MAP4: variants seen among roughly 807,000 people sequenced by gnomAD.
MAP4 encodes microtubule-associated protein 4.
Under a neutral mutation model 170.2 loss-of-function variants are expected in MAP4, and 76 were observed. The ratio of observed to expected loss-of-function variants is 0.45; its 90% CI spans 0.37 to 0.54. MAP4 has a LOEUF of 0.54. MAP4 is among the 20% of genes least tolerant of loss of function. The pLI is 0.00. For missense variants in MAP4, 2,506 were observed against 2,748.0 expected (o/e 0.91, Z 1.97); for synonymous variants, 909 against 994.5 (o/e 0.91, Z 1.62).
chr3:48,075,734 G>T (rs1579840344), intron 1 of MAP4, among the ~76,000 whole-genome samples: 1 of 152,122 alleles, frequency 6.6e-6, no homozygotes, highest in African/African-American at 2.4e-5. Context: ...AGCACTTTGG[G>T]AGGCTAAAGC....
chr3:47,957,302 G>A (rs539813829), intron 3 of MAP4, among the ~76,000 whole-genome samples: 1 of 152,224 alleles, frequency 6.6e-6, no homozygotes, highest in African/African-American at 2.4e-5. Context: ...CAAGTAGCTG[G>A]GACTACAGGC....
At chr3:47,979,375 G>T (rs2100084122) in intron 2 of MAP4, among the ~76,000 whole-genome samples, 1 of 152,048 alleles carries the variant, frequency 6.6e-6, no homozygotes, top group Admixed American at 6.6e-5. Flanking sequence ...ATTACATTGG[G>T]TTTATTTCTG....
chr3:48,021,936 A>G (rs1186756247), intron 1 of MAP4, among the ~76,000 whole-genome samples: 1 of 152,242 alleles, frequency 6.6e-6, no homozygotes, highest in Non-Finnish European at 1.5e-5. Flanking sequence ...TGGTACCTGC[A>G]CAATCACCAA....
intron 1 of MAP4, among the ~76,000 whole-genome samples, chr3:48,073,887 A>T (rs966578056): frequency 9.2e-5 from 14 of 152,198 alleles, no homozygotes; most frequent in Non-Finnish European, 1.5e-4. Context: ...ACCATTGTGG[A>T]CTACAGTGTG....
intron 3 of MAP4, chr3:47,931,758 G>A (rs1401277902): frequency 6.8e-6 from 1 of 147,600 alleles, no homozygotes; most frequent in African/African-American, 2.5e-5. Context: ...ACCTCCTCAA[G>A]TCCTAGGATT....
At chr3:48,062,494 T>TAAAAAAAA (rs1156947592) in intron 1 of MAP4, among the ~76,000 whole-genome samples, 307 of 81,172 alleles carry the variant, frequency 3.8e-3, no homozygotes, top group Non-Finnish European at 4.7e-3. Flanking sequence ...GAATGATCAA[T>TAAAAAAAA]AAAAAAAAAA....
chr3:47,963,082 C>G (rs2100072646), intron 3 of MAP4, among the ~76,000 whole-genome samples: 1 of 152,212 alleles, frequency 6.6e-6, no homozygotes, highest in African/African-American at 2.4e-5. Context: ...TTCTTTCAGT[C>G]TGCCTGGAGC....
chr3:48,031,055 A>AG lies in MAP4; in HGVS notation c.-19-32177dup, dbSNP rs202030107. On this transcript the variant is annotated intron_variant, in intron 1 of 18. Transcript: ENST00000360240. The stretch of plus-strand genomic sequence containing the variant: ...CTAAAGAGTACAATATGAAAATGGG[A>AG]GGGGGGGGTAAGAGAAATATGACAA... Among the ~76,000 whole-genome samples the AG allele has an allele frequency of 1.3e-3, 201 of 151,416 alleles. 4 individuals carry two copies. In the East Asian group the frequency reaches 0.028, roughly 21 times the overall value.
chr3:47,970,936 G>A (rs1390443018), intron 3 of MAP4, among the ~76,000 whole-genome samples: 4 of 152,208 alleles, frequency 2.6e-5, no homozygotes, highest in African/African-American at 7.2e-5. Flanking sequence ...GTGGCTTAGA[G>A]TATTAATTAA....
rs1050471665 is a variant in MAP4 at position 48,086,468 on chromosome 3, G to A, written c.-20+2305C>T. Among the ~76,000 whole-genome samples the A allele has an allele frequency of 3.9e-5, 6 of 152,110 alleles. No individual in the cohort carries two copies. The East Asian group carries it at 5.8e-4, about 15-fold the overall frequency. On this transcript the variant is annotated intron_variant, in intron 1 of 18. Coordinates refer to the MAP4 transcript ENST00000360240. ...AGTCTGTCCAACGTGGCGAAACCCCGTCTCTACTAAAAATACAAAAATCAG... is the reference window on the plus strand; with the variant it reads ...AGTCTGTCCAACGTGGCGAAACCCCATCTCTACTAAAAATACAAAAATCAG...
chr3:47,866,867 G>A (rs185003397), intron 17 of MAP4, among the ~76,000 whole-genome samples: 34 of 152,276 alleles, frequency 2.2e-4, no homozygotes, highest in Admixed American at 7.2e-4. Flanking sequence ...TCTCAGAGAA[G>A]TTACTTCCAC....
chr3:48,008,611 CCTCT>C (rs1433860343), intron 1 of MAP4, among the ~76,000 whole-genome samples: 1 of 152,176 alleles, frequency 6.6e-6, no homozygotes, highest in Non-Finnish European at 1.5e-5. Context: ...TGTGGATGGA[CCTCT>C]CTGAGTGGTC....
At position 47,910,061 on chromosome 3, in the gene MAP4, C is replaced by G; in HGVS notation, c.4360G>C (p.Gly1454Arg). 6.2e-7 allele frequency: 1 copy of G among 1,613,972 alleles called. No individual in the cohort carries two copies. The highest frequency in any genetic ancestry group is 1.1e-5 in the South Asian group (1 of 91,082). ...PTPTPQVVKEGDSFPDTLAKN... is the reference protein window; with the variant it reads ...PTPTPQVVKERDSFPDTLAKN... ...GCCAAGGTATCTGGAAAGGAATCAC[C>G]TTCCTTTACTACTTGAGGAGTAGGA... Residue 1454 changes from glycine to arginine, a missense_variant, in exon 9 of 21, where the codon GGT (glycine) becomes CGT (arginine). By Grantham distance (125) the Gly-to-Arg change is moderately radical (BLOSUM62 -2). Coordinates refer to ENST00000683076, the MANE Select transcript of MAP4 (RefSeq NM_001385682.1).
chr3:48,060,595 C>G (rs1462982602), intron 1 of MAP4, among the ~76,000 whole-genome samples: 1 of 151,974 alleles, frequency 6.6e-6, no homozygotes, highest in Non-Finnish European at 1.5e-5. Flanking sequence ...TTGCAAAACA[C>G]ATCTCTGACA....
chr3:48,082,116 A>G (rs1398310716), intron 1 of MAP4, among the ~76,000 whole-genome samples: 1 of 152,234 alleles, frequency 6.6e-6, no homozygotes, highest in Admixed American at 6.5e-5. Flanking sequence ...GATTTAATAA[A>G]TAAATGGGGG....
intron 8 of MAP4, among the ~76,000 whole-genome samples, chr3:47,914,184 A>C (rs959023947): frequency 6.6e-6 from 1 of 152,180 alleles, no homozygotes; most frequent in Non-Finnish European, 1.5e-5. Context: ...CAAGTTATGT[A>C]ACTTGCTTAA....
chr3:47,952,043 C>A (rs987100541), intron 3 of MAP4, among the ~76,000 whole-genome samples: 2 of 151,248 alleles, frequency 1.3e-5, no homozygotes, highest in African/African-American at 4.9e-5. Context: ...CCGGCCGCGA[C>A]CCCGTCTGGG....
intron 8 of MAP4, among the ~76,000 whole-genome samples, chr3:47,914,219 T>C (rs946459711): frequency 2.0e-5 from 3 of 152,266 alleles, no homozygotes; most frequent in East Asian, 1.9e-4. Flanking sequence ...GAATAGTGAA[T>C]AGCTGAACCA....
chr3:47,921,176 G>A (rs1056428902), intron 5 of MAP4, among the ~76,000 whole-genome samples: 2 of 152,134 alleles, frequency 1.3e-5, no homozygotes, highest in Non-Finnish European at 1.5e-5. Flanking sequence ...CAGCCCAACT[G>A]TGAATCTGTG....
Sources: gnomAD v4.1 joint callset for allele counts (sites outside exome capture counted in the v4.1 genomes callset) on GRCh38, gnomAD v4.1.1 for gene constraint, MANE v1.5 for transcripts, NCBI Gene and HGNC (gene_info 2026-07-23, HGNC 2026-07-21) for gene names.